KCNAB1: variants seen among roughly 807,000 people sequenced by gnomAD.
The protein encoded by KCNAB1 is potassium voltage-gated channel subfamily A regulatory beta subunit 1.
A neutral mutation model predicts 64.6 loss-of-function variants in KCNAB1; 35 were observed. The observed-to-expected ratio is 0.54, with a 90% CI of 0.41 to 0.72. The LOEUF is 0.72. Among genes scored for constraint, KCNAB1 ranks in the 30% least tolerant of loss-of-function variants. The probability of loss-of-function intolerance (pLI) is 0.00; values close to 1 mark genes in which losing one functional copy is unlikely to be tolerated. For missense variants in KCNAB1, 401 were observed against 512.9 expected (o/e 0.78, Z 2.11); for synonymous variants, 177 against 183.8 (o/e 0.96, Z 0.30).
At chr3:156,155,177 A>G (rs1445949909) in intron 1 of KCNAB1, among the ~76,000 whole-genome samples, 1 of 152,112 alleles carries the variant, frequency 6.6e-6, no homozygotes. Context: ...TTGGTACACT[A>G]TCTATTTTTA....
chr3:156,249,093 T>C (rs2108461302), intron 1 of KCNAB1, among the ~76,000 whole-genome samples: 1 of 152,138 alleles, frequency 6.6e-6, no homozygotes, highest in Admixed American at 6.5e-5. Context: ...CTGATGCACC[T>C]GGAAGTCAGA....
intron 1 of KCNAB1, among the ~76,000 whole-genome samples, chr3:156,209,567 G>C (rs916575277): frequency 2.6e-5 from 4 of 152,148 alleles, no homozygotes; most frequent in Non-Finnish European, 5.9e-5. Context: ...ACAAAATATA[G>C]ACTGCATGCA....
At chr3:156,326,182 C>T (rs930044052) in intron 1 of KCNAB1, among the ~76,000 whole-genome samples, 1 of 152,104 alleles carries the variant, frequency 6.6e-6, no homozygotes, top group South Asian at 2.1e-4. Context: ...CGTATTTTTG[C>T]CTTGTTGCAT....
At chr3:156,401,249 T>C (rs1232591668) in intron 1 of KCNAB1, among the ~76,000 whole-genome samples, 1 of 152,212 alleles carries the variant, frequency 6.6e-6, no homozygotes, top group Non-Finnish European at 1.5e-5. Context: ...CTAACTCTTC[T>C]TCTCTCCACA....
At chr3:156,133,890 GA>G (rs778512533) in intron 1 of KCNAB1, among the ~76,000 whole-genome samples, 85 of 151,786 alleles carry the variant, frequency 5.6e-4, no homozygotes, top group Middle Eastern at 3.4e-3. Context: ...GGCAGCTTCA[GA>G]ACAAATTCGT....
chr3:156,354,250 C>T (rs1725082280), intron 1 of KCNAB1, among the ~76,000 whole-genome samples: 1 of 147,936 alleles, frequency 6.8e-6, no homozygotes, highest in African/African-American at 2.5e-5. Flanking sequence ...GCAAACTCTG[C>T]CTCCTGGGTT....
chr3:156,264,853 A>G (rs2108484003), intron 1 of KCNAB1, among the ~76,000 whole-genome samples: 1 of 152,304 alleles, frequency 6.6e-6, no homozygotes, highest in East Asian at 1.9e-4. Flanking sequence ...TTGGTTTAAC[A>G]TTTTCAGAGT....
chr3:156,231,946 G>T (rs1237547522), intron 1 of KCNAB1, among the ~76,000 whole-genome samples: 1 of 152,130 alleles, frequency 6.6e-6, no homozygotes, highest in Non-Finnish European at 1.5e-5. Context: ...CAGGCTGAGG[G>T]CTGTGTCATG....
chr3:156,222,366 C>T (rs1460807499), intron 1 of KCNAB1, among the ~76,000 whole-genome samples: 1 of 152,176 alleles, frequency 6.6e-6, no homozygotes, highest in Non-Finnish European at 1.5e-5. Flanking sequence ...ACTAGTCCAA[C>T]AAGAAAATAT....
At chr3:156,533,720 ATGGATTC>A (rs1426581566) in intron 13 of KCNAB1, among the ~76,000 whole-genome samples, 1 of 151,976 alleles carries the variant, frequency 6.6e-6, no homozygotes, top group Non-Finnish European at 1.5e-5. Context: ...AGAGAAATGG[ATGGATTC>A]TGCAGGTTTG....
chr3:156,260,427 C>T (rs1718365986), intron 1 of KCNAB1, among the ~76,000 whole-genome samples: 1 of 152,178 alleles, frequency 6.6e-6, no homozygotes, highest in Non-Finnish European at 1.5e-5. Flanking sequence ...CAGTTAATCC[C>T]TGTTCCCACT....
At chr3:156,290,841 C>G (rs947109614) in intron 1 of KCNAB1, 43 of 457,630 alleles carry the variant, frequency 9.4e-5, no homozygotes, top group African/African-American at 8.3e-4. Flanking sequence ...AGAGTTGATT[C>G]CAAAAAGTCT....
intron 1 of KCNAB1, among the ~76,000 whole-genome samples, chr3:156,363,620 C>T (rs553215561): frequency 3.3e-5 from 5 of 151,984 alleles, no homozygotes; most frequent in Admixed American, 6.6e-5. Flanking sequence ...GGATTACAGG[C>T]GCACACCACC....
At chr3:156,533,526 G>A (rs1223799676) in intron 13 of KCNAB1, among the ~76,000 whole-genome samples, 1 of 152,180 alleles carries the variant, frequency 6.6e-6, no homozygotes, top group Non-Finnish European at 1.5e-5. Flanking sequence ...AGGACACCAT[G>A]GGGTTAGAGT....
At chr3:156,286,689 T>A (rs1720115415) in intron 1 of KCNAB1, among the ~76,000 whole-genome samples, 1 of 152,230 alleles carries the variant, frequency 6.6e-6, no homozygotes, top group African/African-American at 2.4e-5. Context: ...TTCTAAAATC[T>A]TTAGTCTTTT....
intron 1 of KCNAB1, among the ~76,000 whole-genome samples, chr3:156,257,975 G>A (rs1340804318): frequency 6.6e-6 from 1 of 152,186 alleles, no homozygotes; most frequent in Non-Finnish European, 1.5e-5. Flanking sequence ...GTCTGCTACA[G>A]CATACATCCT....
intron 1 of KCNAB1, among the ~76,000 whole-genome samples, chr3:156,397,625 T>G (rs1344924563): frequency 6.6e-6 from 1 of 152,180 alleles, no homozygotes. Context: ...CCCTTTTTTT[T>G]TCATAGAGAC....
chr3:156,535,000 C>A (rs554902203), intron 13 of KCNAB1, among the ~76,000 whole-genome samples: 2 of 151,866 alleles, frequency 1.3e-5, no homozygotes, highest in South Asian at 4.2e-4. Context: ...CGTGGCTAAC[C>A]CGCTGTATTT....
intron 1 of KCNAB1, among the ~76,000 whole-genome samples, chr3:156,179,000 CAAAA>C (rs200144513): frequency 1.2e-4 from 13 of 108,046 alleles, no homozygotes; most frequent in African/African-American, 4.6e-4. Flanking sequence ...GACTCCGTCT[CAAAA>C]AAAAAAAAAA....
Sources: allele counts gnomAD v4.1 joint callset (sites outside exome capture counted in the v4.1 genomes callset), GRCh38; gene constraint gnomAD v4.1.1; transcripts MANE v1.5; gene names NCBI Gene and HGNC (gene_info 2026-07-23, HGNC 2026-07-21).